PRKN: variants seen among roughly 807,000 people sequenced by gnomAD.
The protein encoded by PRKN is E3 ubiquitin-protein ligase parkin.
Under a neutral mutation model 59.5 loss-of-function variants are expected in PRKN, and 56 were observed. The ratio of observed to expected loss-of-function variants is 0.94; its 90% CI spans 0.76 to 1.18. The LOEUF (loss-of-function observed/expected upper bound fraction) is 1.18, where lower values mean the gene tolerates loss of function less well. Ranked by LOEUF, PRKN falls within the 50% of genes most tolerant of loss-of-function variation. PRKN has a pLI of 0.00. For synonymous variants in PRKN, 250 were observed against 222.1 expected (o/e 1.13, Z -1.12); for missense variants, 657 against 596.4 (o/e 1.10, Z -1.06).
chr6:162,256,014 T>C (rs942141356), intron 3 of PRKN, among the ~76,000 whole-genome samples: 1 of 152,136 alleles, frequency 6.6e-6, no homozygotes, highest in African/African-American at 2.4e-5. Context: ...TGCAAAGAAT[T>C]AGAATCTAAT....
rs1180636201 is a variant in PRKN, at chr6:162,390,396, T to TATATACAC, written c.171+52913_171+52914insGTGTATAT. ...TAAGGTATATATATATATATATATA[T>TATATACAC]ACACACACACACACACACACACACA... is the stretch of plus-strand genomic sequence containing the variant. On this transcript the variant is annotated intron_variant, in intron 2 of 11. Transcript: ENST00000366898. 1.0e-3 allele frequency among the ~76,000 whole-genome samples: 86 copies of TATATACAC among 84,106 alleles called. 1 individual carries two copies. Among genetic ancestry groups the TATATACAC allele is most frequent in the Middle Eastern group, 0.01 (2 of 200 alleles). The allele number at this position is 84,106 out of a possible 152,430, so 55.2% of individuals were successfully genotyped here. A position where few individuals can be genotyped will look rare whatever the true frequency, so the allele number is the denominator to read the frequency against.
At chr6:162,084,748 T>C (rs1779186781) in intron 4 of PRKN, among the ~76,000 whole-genome samples, 1 of 152,056 alleles carries the variant, frequency 6.6e-6, no homozygotes, top group South Asian at 2.1e-4. Context: ...TTACAGGAAC[T>C]GTGGCATCTC....
At chr6:162,377,228 A>T (rs543186403) in intron 2 of PRKN, among the ~76,000 whole-genome samples, 25 of 152,322 alleles carry the variant, frequency 1.6e-4, no homozygotes, top group Middle Eastern at 6.8e-3. Context: ...TTCAAATCCA[A>T]ATCTGCAGAC....
intron 3 of PRKN, among the ~76,000 whole-genome samples, chr6:162,255,456 TAAAAACAAAAC>T (rs1393025994): frequency 6.6e-6 from 1 of 152,154 alleles, no homozygotes; most frequent in African/African-American, 2.4e-5. Flanking sequence ...CTGGTATGTT[TAAAAACAAAAC>T]AAAACAGTGC....
chr6:162,694,285 TTC>T (rs1777892937), intron 1 of PRKN, among the ~76,000 whole-genome samples: 1 of 151,354 alleles, frequency 6.6e-6, no homozygotes, highest in Admixed American at 6.6e-5. Context: ...TGGTAGACAT[TTC>T]TGTCAATAGC....
chr6:161,383,658 T>C (rs1020174260), intron 10 of PRKN, among the ~76,000 whole-genome samples: 6 of 152,222 alleles, frequency 3.9e-5, no homozygotes, highest in African/African-American at 1.4e-4. Context: ...TTCATGGGAC[T>C]CTTCCTCCCC....
chr6:162,704,128 A>G (rs896172607), intron 1 of PRKN, among the ~76,000 whole-genome samples: 3 of 152,142 alleles, frequency 2.0e-5, no homozygotes, highest in African/African-American at 7.2e-5. Flanking sequence ...GTGTGAGGAC[A>G]ATGGCAGCCT....
At chr6:162,275,835 G>A (rs1780614422) in intron 2 of PRKN, among the ~76,000 whole-genome samples, 2 of 151,756 alleles carry the variant, frequency 1.3e-5, no homozygotes, top group South Asian at 2.1e-4. Flanking sequence ...GATGTCCATC[G>A]ATTGTACTTA....
intron 4 of PRKN, among the ~76,000 whole-genome samples, chr6:162,137,471 A>T (rs182883032): frequency 6.2e-4 from 95 of 152,322 alleles, no homozygotes; most frequent in African/African-American, 1.9e-3. Context: ...TCACACTATA[A>T]GCAGCTAGAA....
At chr6:161,629,847 T>C (rs975332250) in intron 7 of PRKN, among the ~76,000 whole-genome samples, 7 of 152,168 alleles carry the variant, frequency 4.6e-5, no homozygotes, top group African/African-American at 1.7e-4. Flanking sequence ...ACCCACATCT[T>C]TGTGATTTGC....
At chr6:162,197,999 A>G (rs1185131676) in intron 4 of PRKN, among the ~76,000 whole-genome samples, 1 of 152,184 alleles carries the variant, frequency 6.6e-6, no homozygotes, top group African/African-American at 2.4e-5. Flanking sequence ...AAGTAAGGAC[A>G]CTTTGGTAGA....
At chr6:162,390,955 G>C (rs1175598788) in intron 2 of PRKN, among the ~76,000 whole-genome samples, 1 of 152,118 alleles carries the variant, frequency 6.6e-6, no homozygotes, top group Non-Finnish European at 1.5e-5. Flanking sequence ...TCAAATATTT[G>C]ATAAGGACCA....
intron 6 of PRKN, among the ~76,000 whole-genome samples, chr6:161,972,230 C>T (rs947248741): frequency 2.7e-5 from 4 of 150,894 alleles, no homozygotes; most frequent in African/African-American, 7.3e-5. Context: ...GCCGAGATCC[C>T]GCCATTGCAC....
At chr6:162,330,286 C>T (rs1783513638) in intron 2 of PRKN, among the ~76,000 whole-genome samples, 1 of 152,148 alleles carries the variant, frequency 6.6e-6, no homozygotes, top group South Asian at 2.1e-4. Context: ...TGGGAAGCGG[C>T]ATAGTATGGT....
At chr6:162,097,158 G>C (rs1267250247) in intron 4 of PRKN, among the ~76,000 whole-genome samples, 1 of 152,160 alleles carries the variant, frequency 6.6e-6, no homozygotes, top group African/African-American at 2.4e-5. Flanking sequence ...CTACAGGCGT[G>C]AGCCACTGTA....
intron 7 of PRKN, among the ~76,000 whole-genome samples, chr6:161,710,862 C>CCT (rs1786715058): frequency 1.8e-5 from 1 of 54,928 alleles, no homozygotes; most frequent in Non-Finnish European, 4.3e-5. Flanking sequence ...CCTTCCCTTC[C>CCT]CTTTCCTTCC....
intron 4 of PRKN, among the ~76,000 whole-genome samples, chr6:162,148,379 G>GAA (rs60226088): frequency 0.022 from 3,369 of 150,756 alleles, 131 homozygotes; most frequent in African/African-American, 0.078. Context: ...CTAAGAGCTT[G>GAA]AAAAAAAAAG....
intron 8 of PRKN, among the ~76,000 whole-genome samples, chr6:161,558,584 C>T (rs1474355695): frequency 2.0e-5 from 3 of 151,186 alleles, no homozygotes; most frequent in African/African-American, 7.3e-5. Context: ...AAAGAAAATT[C>T]AGCTCACTAT....
chr6:161,972,544 T>C (rs1384016317), intron 6 of PRKN, among the ~76,000 whole-genome samples: 2 of 152,168 alleles, frequency 1.3e-5, no homozygotes, highest in African/African-American at 4.8e-5. Context: ...ATCTCCACAT[T>C]TGCTTGCTTT....
Sources: allele counts gnomAD v4.1 joint callset (sites outside exome capture counted in the v4.1 genomes callset), GRCh38; gene constraint gnomAD v4.1.1; transcripts MANE v1.5; gene names NCBI Gene and HGNC (gene_info 2026-07-23, HGNC 2026-07-21).